FOXN3: variants seen among roughly 807,000 people sequenced by gnomAD.
FOXN3 encodes the protein forkhead box N3.
Under a neutral mutation model 38.4 loss-of-function variants are expected in FOXN3, and 7 were observed. That is an observed-to-expected ratio of 0.18 (90% confidence interval 0.10 to 0.34). FOXN3 has a LOEUF of 0.34. FOXN3 is among the 10% of genes least tolerant of loss of function. The probability of loss-of-function intolerance (pLI) is 1.00; values close to 1 mark genes in which losing one functional copy is unlikely to be tolerated. For missense variants in FOXN3, 456 were observed against 613.4 expected (o/e 0.74, Z 2.71); for synonymous variants, 230 against 242.2 (o/e 0.95, Z 0.47).
intron 4 of FOXN3, chr14:89,190,507 T>TG: frequency 5.0e-6 from 7 of 1,412,336 alleles, no homozygotes; most frequent in Admixed American, 1.7e-5. Context: ...TGTGTGTGTG[T>TG]TTTTCCCCCT....
chr14:89,203,551 A>G (rs1888289210), intron 4 of FOXN3, among the ~76,000 whole-genome samples: 2 of 152,222 alleles, frequency 1.3e-5, no homozygotes, highest in African/African-American at 4.8e-5. Flanking sequence ...GGAGGGCAGA[A>G]GAACCAGTCC....
At chr14:89,174,580 T>G (rs909261290) in intron 5 of FOXN3, among the ~76,000 whole-genome samples, 2 of 152,120 alleles carry the variant, frequency 1.3e-5, no homozygotes, top group South Asian at 2.1e-4. Flanking sequence ...AGGTACAACA[T>G]GAAAAGGAGC....
chr14:89,354,268 C>A (rs1889102976), intron 2 of FOXN3, among the ~76,000 whole-genome samples: 1 of 150,912 alleles, frequency 6.6e-6, no homozygotes, highest in Non-Finnish European at 1.5e-5. Flanking sequence ...GCTCTTGTTG[C>A]CCAGGCTGGA....
Position 89,326,084 on chromosome 14 carries a change from G to A in FOXN3, c.680+24588C>T, listed in dbSNP as rs999043629. Among the ~76,000 whole-genome samples the A allele has an allele frequency of 5.3e-5, 8 of 152,186 alleles. No individual in the cohort carries two copies. In the East Asian group the frequency reaches 7.7e-4, roughly 15 times the overall value. On this transcript the variant is annotated intron_variant, in intron 3 of 5. Coordinates refer to ENST00000557258, the MANE Select transcript of FOXN3 (RefSeq NM_005197.4). Reference sequence around the variant, plus strand: ...AAAGCAAAACTATTGTATCTCATGCGTTCTCATTCAACAAACGTTTACTCA... The same window carrying A: ...AAAGCAAAACTATTGTATCTCATGCATTCTCATTCAACAAACGTTTACTCA...
At chr14:89,617,800 G>C (rs79955177) in intron 1 of FOXN3, among the ~76,000 whole-genome samples, 1,974 of 152,198 alleles carry the variant, frequency 0.013, 38 homozygotes, top group African/African-American at 0.045. Flanking sequence ...ATGAAAAACC[G>C]ACCCTGCAGA....
intron 1 of FOXN3, among the ~76,000 whole-genome samples, chr14:89,570,831 C>T (rs1009353035): frequency 6.6e-6 from 1 of 152,112 alleles, no homozygotes; most frequent in African/African-American, 2.4e-5. Flanking sequence ...ACCTCAAGTT[C>T]AGTTGTCTAC....
intron 4 of FOXN3, among the ~76,000 whole-genome samples, chr14:89,237,553 T>C (rs1566936045): frequency 6.6e-6 from 1 of 152,228 alleles, no homozygotes; most frequent in East Asian, 1.9e-4. Context: ...CTGGTTGTGA[T>C]ATTGCACTAC....
chr14:89,416,890 G>A lies in FOXN3; in HGVS notation c.-34C>T, dbSNP rs1349907571. On this transcript the variant is annotated 5_prime_UTR_variant, in exon 1 of 6. Transcript: ENST00000557258. ...ACTCACCTGGCCGGAGCGGGGCACGGGGGTGCGGGGGCGCCGCTGCCCTTC... is the reference window on the plus strand; with the variant it reads ...ACTCACCTGGCCGGAGCGGGGCACGAGGGTGCGGGGGCGCCGCTGCCCTTC... 6.6e-6 allele frequency: 1 copy of A among 151,918 alleles called. No homozygotes were observed. Among genetic ancestry groups the A allele is most frequent in the Non-Finnish European group, 1.5e-5 (1 of 67,952 alleles). 9.4% of individuals were successfully genotyped at this position (151,918 alleles called of 1,614,324 possible). A position where few individuals can be genotyped will look rare whatever the true frequency, so the allele number is the denominator to read the frequency against.
intron 4 of FOXN3, among the ~76,000 whole-genome samples, chr14:89,266,568 C>T (rs10147168): frequency 0.031 from 4,751 of 152,104 alleles, 208 homozygotes; most frequent in African/African-American, 0.11. Context: ...GATCTCCTAC[C>T]GTGTGCTGGG....
intron 5 of FOXN3, among the ~76,000 whole-genome samples, chr14:89,171,340 G>A (rs963082877): frequency 6.6e-6 from 1 of 152,116 alleles, no homozygotes; most frequent in Non-Finnish European, 1.5e-5. Flanking sequence ...TATTTTGCAA[G>A]CAAGTTCCAA....
chr14:89,466,918 A>G (rs1184863898), intron 1 of FOXN3, among the ~76,000 whole-genome samples: 2 of 152,200 alleles, frequency 1.3e-5, no homozygotes. Context: ...GAACATCTGA[A>G]TCTTCATCTA....
intron 1 of FOXN3, among the ~76,000 whole-genome samples, chr14:89,573,449 T>C (rs1355628259): frequency 2.0e-5 from 3 of 152,280 alleles, no homozygotes; most frequent in East Asian, 1.9e-4. Context: ...TTTCAAAACA[T>C]ACCTACTGAT....
chr14:89,329,583 C>T (rs894036188), intron 3 of FOXN3, among the ~76,000 whole-genome samples: 3 of 152,116 alleles, frequency 2.0e-5, no homozygotes, highest in Non-Finnish European at 4.4e-5. Context: ...CCCTGCCGGA[C>T]GCGGTGGCTC....
intron 1 of FOXN3, among the ~76,000 whole-genome samples, chr14:89,492,628 C>T (rs1893604754): frequency 6.6e-6 from 1 of 152,108 alleles, no homozygotes; most frequent in African/African-American, 2.4e-5. Flanking sequence ...AGAAGGATCG[C>T]TAGAGCCCAA....
chr14:89,599,562 TA>T (rs754416424), intron 1 of FOXN3, among the ~76,000 whole-genome samples: 8,509 of 151,006 alleles, frequency 0.056, 552 homozygotes, highest in African/African-American at 0.15. Flanking sequence ...GTTTATTTTT[TA>T]TTGTTTTTTT....
At chr14:89,330,068 C>G (rs1168671014) in intron 3 of FOXN3, among the ~76,000 whole-genome samples, 1 of 152,064 alleles carries the variant, frequency 6.6e-6, no homozygotes, top group Non-Finnish European at 1.5e-5. Context: ...TTCTTAGCTC[C>G]CAGTAAGCCC....
intron 3 of FOXN3, chr14:89,290,993 C>T (rs917247911): frequency 1.6e-5 from 7 of 430,242 alleles, no homozygotes; most frequent in South Asian, 3.7e-5. Context: ...TTCTGCTCCA[C>T]GTGAGGCCCG....
At chr14:89,515,755 A>T (rs1229054637) in intron 1 of FOXN3, among the ~76,000 whole-genome samples, 2 of 152,136 alleles carry the variant, frequency 1.3e-5, no homozygotes, top group African/African-American at 4.8e-5. Flanking sequence ...AAAAACAAGC[A>T]TGTATTCAAA....
intron 4 of FOXN3, among the ~76,000 whole-genome samples, chr14:89,226,926 C>T (rs1023506737): frequency 2.6e-5 from 4 of 152,222 alleles, no homozygotes; most frequent in African/African-American, 9.6e-5. Flanking sequence ...GAGGGGGACA[C>T]AGCCCTGCCC....
Sources: allele counts gnomAD v4.1 joint callset (sites outside exome capture counted in the v4.1 genomes callset), GRCh38; gene constraint gnomAD v4.1.1; transcripts MANE v1.5; gene names NCBI Gene and HGNC (gene_info 2026-07-23, HGNC 2026-07-21).